PLPP4: variants seen among roughly 807,000 people sequenced by gnomAD.
PLPP4 encodes phospholipid phosphatase 4.
A neutral mutation model predicts 32.2 loss-of-function variants in PLPP4; 20 were observed. That is an observed-to-expected ratio of 0.62 (90% CI 0.44 to 0.90). The LOEUF (loss-of-function observed/expected upper bound fraction) is 0.90, where lower values mean the gene tolerates loss of function less well. Among genes scored for constraint, PLPP4 ranks in the 40% least tolerant of loss-of-function variants. The pLI, the probability that PLPP4 is intolerant of heterozygous loss-of-function variation, is 0.00. For missense variants in PLPP4, 257 were observed against 353.1 expected (o/e 0.73, Z 2.18); for synonymous variants, 127 against 133.0 (o/e 0.95, Z 0.31).
chr10:120,472,188 C>T (rs143420475), intron 1 of PLPP4, among the ~76,000 whole-genome samples: 18 of 152,100 alleles, frequency 1.2e-4, no homozygotes, highest in South Asian at 4.1e-4. Flanking sequence ...TTTATCAGTT[C>T]GGTTAGATTT....
chr10:120,472,702 G>T (rs777481854), intron 1 of PLPP4, among the ~76,000 whole-genome samples: 1 of 151,344 alleles, frequency 6.6e-6, no homozygotes, highest in African/African-American at 2.4e-5. Context: ...TGTATTTTTG[G>T]TTCTTCAGGT....
Position 120,471,070 on chromosome 10 carries a change from A to G in PLPP4, c.56+13709A>G, listed in dbSNP as rs1036855210. 4.6e-5 allele frequency among the ~76,000 whole-genome samples: 7 copies of G among 152,336 alleles called. No homozygotes were observed. In the East Asian group the frequency reaches 1.3e-3, roughly 29 times the overall value. On this transcript the variant is annotated intron_variant, in intron 1 of 6. Transcript: ENST00000398250. ...GTAATTTTTTTGGCTGTAAATTTAC[A>G]TAGCTTGAACATAATGAATAGTTTC...
intron 5 of PLPP4, among the ~76,000 whole-genome samples, chr10:120,536,937 A>T (rs984239061): frequency 3.3e-5 from 5 of 152,184 alleles, no homozygotes; most frequent in African/African-American, 1.2e-4. Flanking sequence ...TCTCCAACAG[A>T]TATATTAACA....
chr10:120,512,042 C>T (rs894437760), intron 2 of PLPP4, among the ~76,000 whole-genome samples: 14 of 151,662 alleles, frequency 9.2e-5, no homozygotes, highest in Non-Finnish European at 8.8e-5. Flanking sequence ...TGCAGTGAGC[C>T]GAGATCGCAC....
Position 120,575,116 on chromosome 10 carries a change from G to A in PLPP4, c.446-15G>A, listed in dbSNP as rs184735174. 248 of 1,610,160 alleles carry A rather than the reference G, an allele frequency of 1.5e-4. 2 individuals carry two copies. In the East Asian group the frequency reaches 4.3e-3, roughly 28 times the overall value. On this transcript the variant is annotated splice_polypyrimidine_tract_variant and intron_variant, in intron 5 of 6. Coordinates refer to ENST00000398250, the MANE Select transcript of PLPP4 (RefSeq NM_001030059.3). The stretch of plus-strand genomic sequence containing the variant: ...ACCACCTGCTAGAGTAACACCTGCT[G>A]TTTCTGTTTGGCAGTTGCCTTTTCG...
intron 1 of PLPP4, among the ~76,000 whole-genome samples, chr10:120,501,214 A>G (rs898686864): frequency 1.3e-5 from 2 of 152,252 alleles, no homozygotes; most frequent in Non-Finnish European, 2.9e-5. Context: ...TTTGTTACGT[A>G]GCTACAGAAA....
chr10:120,487,113 A>T (rs1475374), intron 1 of PLPP4, among the ~76,000 whole-genome samples: 37,595 of 152,216 alleles, frequency 0.25, 5,516 homozygotes, highest in East Asian at 0.32. Context: ...TGTTATCCAC[A>T]CTTGCTGTGC....
chr10:120,577,122 TTAG>T (rs1180053454), intron 6 of PLPP4, among the ~76,000 whole-genome samples: 1 of 152,228 alleles, frequency 6.6e-6, no homozygotes, highest in East Asian at 1.9e-4. Context: ...TCATTGTTGC[TTAG>T]TACATTTTTT....
intron 5 of PLPP4, among the ~76,000 whole-genome samples, chr10:120,547,014 T>C (rs1024963762): frequency 1.3e-5 from 2 of 151,928 alleles, no homozygotes; most frequent in Non-Finnish European, 2.9e-5. Context: ...CTAACATGTA[T>C]GTTCAATGTT....
At chr10:120,480,876 A>G (rs1589737855) in intron 1 of PLPP4, among the ~76,000 whole-genome samples, 1 of 152,192 alleles carries the variant, frequency 6.6e-6, no homozygotes. Context: ...GCTCTACTTT[A>G]TCTGAGGAGC....
chr10:120,546,419 A>G (rs911647835), intron 5 of PLPP4, among the ~76,000 whole-genome samples: 3 of 151,824 alleles, frequency 2.0e-5, no homozygotes, highest in Non-Finnish European at 4.4e-5. Flanking sequence ...AGCCTTGAAA[A>G]CCTAGGGATC....
chr10:120,508,516 C>T (rs760380889), intron 2 of PLPP4, among the ~76,000 whole-genome samples: 49 of 152,196 alleles, frequency 3.2e-4, no homozygotes, highest in South Asian at 1.2e-3. Context: ...TGTTAGAAGT[C>T]CTTGGCATCC....
intron 1 of PLPP4, among the ~76,000 whole-genome samples, chr10:120,470,906 C>T (rs1848493013): frequency 6.6e-6 from 1 of 152,148 alleles, no homozygotes; most frequent in African/African-American, 2.4e-5. Flanking sequence ...CTTCATGTCT[C>T]TGTGCTTTAA....
chr10:120,574,129 TACACACACACACAC>T (rs751622346), intron 5 of PLPP4, among the ~76,000 whole-genome samples: 3 of 56,920 alleles, frequency 5.3e-5, no homozygotes, highest in African/African-American at 1.8e-4. Context: ...ATCTGGGGAG[TACACACACACACAC>T]ACACACACAC....
intron 5 of PLPP4, among the ~76,000 whole-genome samples, chr10:120,533,784 A>G (rs1846857279): frequency 6.6e-6 from 1 of 152,106 alleles, no homozygotes; most frequent in Non-Finnish European, 1.5e-5. Flanking sequence ...AGAATTTGTT[A>G]TATTTACCTT....
chr10:120,463,019 CTTTT>C (rs71019771), intron 1 of PLPP4, among the ~76,000 whole-genome samples: 36 of 89,332 alleles, frequency 4.0e-4, no homozygotes, highest in African/African-American at 8.0e-4. Context: ...AAGTTTCTTT[CTTTT>C]TTTTTTTTTT....
intron 1 of PLPP4, among the ~76,000 whole-genome samples, chr10:120,499,286 T>C: frequency 6.6e-6 from 1 of 152,196 alleles, no homozygotes; most frequent in Non-Finnish European, 1.5e-5. Context: ...CATTTTGTTT[T>C]CTATATTTTT....
intron 1 of PLPP4, among the ~76,000 whole-genome samples, chr10:120,471,985 G>A (rs1161717949): frequency 6.6e-6 from 1 of 151,886 alleles, no homozygotes; most frequent in Non-Finnish European, 1.5e-5. Context: ...ACCATTTCAT[G>A]TACAATGTAA....
At chr10:120,535,689 T>C (rs188305505) in intron 5 of PLPP4, among the ~76,000 whole-genome samples, 114 of 152,306 alleles carry the variant, frequency 7.5e-4, no homozygotes, top group Non-Finnish European at 1.3e-3. Context: ...AGCCTTTTTT[T>C]CCAATATTAA....
Sources: allele counts gnomAD v4.1 joint callset (sites outside exome capture counted in the v4.1 genomes callset), GRCh38; gene constraint gnomAD v4.1.1; transcripts MANE v1.5; gene names NCBI Gene and HGNC (gene_info 2026-07-23, HGNC 2026-07-21).